GPR19: variants seen among roughly 807,000 people sequenced by gnomAD.
GPR19 encodes probable G protein-coupled receptor 19.
GPR19 carries 14 observed loss-of-function variants against 28.5 expected under a neutral mutation model. The observed-to-expected ratio is 0.49, with a 90% CI of 0.32 to 0.77. GPR19 has a LOEUF of 0.77. GPR19 is among the 30% of genes least tolerant of loss of function. The pLI, the probability that GPR19 is intolerant of heterozygous loss-of-function variation, is 0.03. For missense variants in GPR19, 409 were observed against 504.1 expected (o/e 0.81, Z 1.81); for synonymous variants, 173 against 184.1 (o/e 0.94, Z 0.49).
At chr12:12,674,948 G>A (rs543830078) in intron 3 of GPR19, among the ~76,000 whole-genome samples, 1 of 152,292 alleles carries the variant, frequency 6.6e-6, no homozygotes, top group South Asian at 2.1e-4. Flanking sequence ...AGCATGGTGA[G>A]GACCCTCCCC....
chr12:12,702,300 TATTC>T, the GPR19 span, among the ~76,000 whole-genome samples: 2 of 151,952 alleles, frequency 1.3e-5, no homozygotes, highest in South Asian at 2.1e-4. Flanking sequence ...AATAGAATCT[TATTC>T]TATTAGGAAT....
At chr12:12,713,296 C>T in the GPR19 span, among the ~76,000 whole-genome samples, 1 of 150,782 alleles carries the variant, frequency 6.6e-6, no homozygotes, top group South Asian at 2.1e-4. Flanking sequence ...AACTCCTGAC[C>T]TCAAGTGATC....
At chr12:12,686,079 C>G (rs1045520047) in intron 2 of GPR19, among the ~76,000 whole-genome samples, 1 of 152,186 alleles carries the variant, frequency 6.6e-6, no homozygotes, top group African/African-American at 2.4e-5. Context: ...TACAAACTGG[C>G]TATACATTTG....
At chr12:12,701,601 C>T in the GPR19 span, among the ~76,000 whole-genome samples, 1 of 152,016 alleles carries the variant, frequency 6.6e-6, no homozygotes, top group Non-Finnish European at 1.5e-5. Context: ...ACTCAATTAC[C>T]CCTTTCTCCC....
chr12:12,690,278 T>C (rs1049785606), intron 2 of GPR19, among the ~76,000 whole-genome samples: 1 of 152,202 alleles, frequency 6.6e-6, no homozygotes, highest in African/African-American at 2.4e-5. Flanking sequence ...TTGCTATATA[T>C]GTGTATTCCT....
intron 3 of GPR19, among the ~76,000 whole-genome samples, chr12:12,680,415 G>C (rs1946000681): frequency 6.6e-6 from 1 of 152,180 alleles, no homozygotes; most frequent in Admixed American, 6.5e-5. Flanking sequence ...CAAAGGAAAG[G>C]CTCCAGGAGA....
intron 2 of GPR19, chr12:12,688,405 G>A (rs1443474483): frequency 6.6e-6 from 1 of 151,954 alleles, no homozygotes; most frequent in Admixed American, 6.6e-5. Context: ...ATATTATGAG[G>A]AAATAATTGG....
the GPR19 span, among the ~76,000 whole-genome samples, chr12:12,708,409 A>G: frequency 6.6e-6 from 1 of 152,026 alleles, no homozygotes; most frequent in South Asian, 2.1e-4. Flanking sequence ...ACCCTTCTTG[A>G]ATCTAATTTT....
At chr12:12,714,689 C>T in the GPR19 span, among the ~76,000 whole-genome samples, 6 of 152,150 alleles carry the variant, frequency 3.9e-5, no homozygotes, top group Non-Finnish European at 7.3e-5. Context: ...TGAAAATTTT[C>T]CCCCTGGCTT....
At chr12:12,695,723 T>G (rs1946251494) in intron 1 of GPR19, among the ~76,000 whole-genome samples, 1 of 152,190 alleles carries the variant, frequency 6.6e-6, no homozygotes, top group South Asian at 2.1e-4. Context: ...TCTGCCTGTT[T>G]ACAAACATGC....
chr12:12,717,004 A>T, the GPR19 span: 1 of 997,222 alleles, frequency 1.0e-6, no homozygotes. Flanking sequence ...TTCCCGGGCG[A>T]GGAGCGGGAG....
In GPR19 at chr12:12,675,274, A is replaced by G. The variant is rs146876795; in HGVS notation, c.-23+9077T>C. ...TAAGTGGAGCCGAGAGGAACAAAGT[A>G]TCCCCATAGATTTTGTTCTGTGTAA... On this transcript the variant is annotated intron_variant, in intron 3 of 3. Coordinates refer to ENST00000651487, the MANE Select transcript of GPR19 (RefSeq NM_006143.3). Among the ~76,000 whole-genome samples, 37 of 152,306 alleles carry G rather than the reference A, an allele frequency of 2.4e-4. No homozygotes were observed. The East Asian group carries it at 6.2e-3, about 25-fold the overall frequency.
Position 12,661,844 on chromosome 12 carries a change from T to C in GPR19, c.605A>G (p.Tyr202Cys). 2 of 1,613,872 alleles carry C rather than the reference T, an allele frequency of 1.2e-6. No individual in the cohort carries two copies. Among genetic ancestry groups the C allele is most frequent in the South Asian group, 1.1e-5 (1 of 91,066 alleles). The change falls in exon 4 of 4, where the codon TAT (tyrosine) becomes TGT (cysteine). Residue 202 changes from tyrosine to cysteine, a missense_variant. Physicochemically the swap from Tyr to Cys is radical, Grantham distance 194. Coordinates refer to ENST00000651487, the MANE Select transcript of GPR19 (RefSeq NM_006143.3). The surrounding 1 kb of genome is among the most constrained non-coding windows in gnomAD (Gnocchi z 4.2). ...AGFVTPVLFF[Y>C]GSNWDSHCNY... ...ACAATGACTGTCCCAGTTGGAGCCA[T>C]AGAAAAAGAGCACAGGGGTCACAAA...
upstream of GPR19, among the ~76,000 whole-genome samples, chr12:12,697,148 C>A: frequency 3.3e-4 from 3 of 9,046 alleles, no homozygotes; most frequent in Admixed American, 2.8e-3. Context: ...ACTCTTGAAG[C>A]GAAGTAAAAA....
At chr12:12,674,129 T>C (rs558641721) in intron 3 of GPR19, among the ~76,000 whole-genome samples, 61 of 149,562 alleles carry the variant, frequency 4.1e-4, no homozygotes, top group Non-Finnish European at 7.5e-4. Flanking sequence ...GGAGAATCAC[T>C]TGAACCTGGG....
intron 3 of GPR19, among the ~76,000 whole-genome samples, chr12:12,663,338 A>G (rs908137998): frequency 6.6e-6 from 1 of 152,042 alleles, no homozygotes; most frequent in Admixed American, 6.5e-5. Flanking sequence ...GGGAACACCT[A>G]TAGTCCCAGC....
chr12:12,714,330 T>C, the GPR19 span, among the ~76,000 whole-genome samples: 2 of 152,178 alleles, frequency 1.3e-5, no homozygotes, highest in African/African-American at 4.8e-5. Context: ...CAAGGAACCG[T>C]GAACCTTCGC....
upstream of GPR19, among the ~76,000 whole-genome samples, chr12:12,697,153 T>TAAAAA (rs386375639): frequency 3.6e-3 from 177 of 48,804 alleles, 23 homozygotes; most frequent in South Asian, 0.012. Flanking sequence ...TGAAGCGAAG[T>TAAAAA]AAAAAAAAAA....
chr12:12,695,382 G>T (rs1946246905), intron 2 of GPR19, 77 bp downstream of exon 2: 1 of 152,198 alleles, frequency 6.6e-6, no homozygotes, highest in East Asian at 1.9e-4. Flanking sequence ...CTGGCTAAAG[G>T]GTAAAGCTGG....
Sources: allele counts gnomAD v4.1 joint callset (sites outside exome capture counted in the v4.1 genomes callset), GRCh38; gene constraint gnomAD v4.1.1; non-coding constraint Gnocchi (gnomAD v3.1); transcripts MANE v1.5; gene names NCBI Gene and HGNC (gene_info 2026-07-23, HGNC 2026-07-21).